The following WDR33 variants were observed in gnomAD, a reference collection of about 807,000 sequenced individuals.
WDR33 encodes the protein pre-mRNA 3' end processing protein WDR33.
In WDR33, 47 loss-of-function variants were observed where a neutral mutation model predicts 164.9. The observed-to-expected ratio is 0.29, with a 90% CI of 0.23 to 0.36. The LOEUF is 0.36. Ranked by LOEUF, WDR33 falls within the 10% of genes least tolerant of loss-of-function variation. The pLI, the probability that WDR33 is intolerant of heterozygous loss-of-function variation, is 1.00. For synonymous variants in WDR33, 505 were observed against 589.0 expected (o/e 0.86, Z 2.06); for missense variants, 1,137 against 1,754.1 (o/e 0.65, Z 6.28).
rs960137206 is a variant in WDR33 at position 127,738,913 on chromosome 2, A to C, written c.725-12136T>G. Among the ~76,000 whole-genome samples, 4 of 152,196 alleles carry C rather than the reference A, an allele frequency of 2.6e-5. No homozygotes were observed. Among genetic ancestry groups the C allele is most frequent in the African/African-American group, 9.7e-5 (4 of 41,450 alleles). ...CTTGAAAGTGCTGAAATAGGGGGAA[A>C]AGTTTTGAATCTAGCATTCAATATC... On this transcript the variant is annotated intron_variant, in intron 7 of 21. Coordinates refer to ENST00000322313, the MANE Select transcript of WDR33 (RefSeq NM_018383.5). This position sits in a 1 kb window ranked among gnomAD's most constrained non-coding sequence, Gnocchi z 4.4.
rs1034351440 is a variant in WDR33 at position 127,716,949 on chromosome 2, A to C, written c.2869+206T>G. Among the ~76,000 whole-genome samples the C allele has an allele frequency of 6.6e-6, 1 of 152,198 alleles. No individual in the cohort carries two copies. Among genetic ancestry groups the C allele is most frequent in the African/African-American group, 2.4e-5 (1 of 41,456 alleles). The stretch of plus-strand genomic sequence containing the variant: ...TGCTGGAGCCTGTGCGGGTGCCTTC[A>C]TTGTCAGCCTCTGGGGTGAGGGGCT... On this transcript the variant is annotated intron_variant, in intron 17 of 21. Coordinates refer to ENST00000322313, the MANE Select transcript of WDR33 (RefSeq NM_018383.5). This position sits in a 1 kb window ranked among gnomAD's most constrained non-coding sequence, Gnocchi z 4.5.
At chr2:127,711,138 A>G (rs973894273) in intron 18 of WDR33, among the ~76,000 whole-genome samples, 1 of 152,186 alleles carries the variant, frequency 6.6e-6, no homozygotes, top group African/African-American at 2.4e-5. Context: ...AAATCAAGAC[A>G]GGATGGCCGG....
chr2:127,788,299 A>AC (rs1347102922), intron 1 of WDR33, among the ~76,000 whole-genome samples: 5 of 87,818 alleles, frequency 5.7e-5, no homozygotes, highest in African/African-American at 9.2e-5. Flanking sequence ...CGGGGGGCTG[A>AC]CCCCCCCACC....
intron 1 of WDR33, among the ~76,000 whole-genome samples, chr2:127,783,298 C>G (rs1688437568): frequency 6.6e-6 from 1 of 152,184 alleles, no homozygotes; most frequent in Non-Finnish European, 1.5e-5. Context: ...ATATGAAGCA[C>G]ATGACCACAA....
intron 1 of WDR33, among the ~76,000 whole-genome samples, chr2:127,783,290 A>G (rs1425282644): frequency 2.0e-5 from 3 of 152,234 alleles, no homozygotes; most frequent in Non-Finnish European, 4.4e-5. Context: ...ACTTTAACAT[A>G]TGAAGCACAT....
chr2:127,726,234 A>T lies in WDR33; in HGVS notation c.851+417T>A, dbSNP rs1331690661. Reference sequence around the variant, plus strand: ...CGTAAGTAAGCCCATCAGACAAAAAATGAGAAGTGGTTCAAAACCAGAAGA... The same window carrying T: ...CGTAAGTAAGCCCATCAGACAAAAATTGAGAAGTGGTTCAAAACCAGAAGA... On this transcript the variant is annotated intron_variant, in intron 8 of 21. Transcript: ENST00000322313. This position sits in a 1 kb window ranked among gnomAD's most constrained non-coding sequence, Gnocchi z 4.8. Among the ~76,000 whole-genome samples, 1 of 152,240 alleles carries T rather than the reference A, an allele frequency of 6.6e-6. No individual in the cohort carries two copies. The highest frequency in any genetic ancestry group is 1.5e-5 in the Non-Finnish European group (1 of 68,040).
At chr2:127,805,431 T>G (rs1249832891) in intron 1 of WDR33, among the ~76,000 whole-genome samples, 2 of 152,070 alleles carry the variant, frequency 1.3e-5, no homozygotes, top group Non-Finnish European at 2.9e-5. Flanking sequence ...TAGTCAAACC[T>G]CTCTAGATCT....
chr2:127,713,705 G>A lies in WDR33; in HGVS notation c.3186C>T (p.Ser1062=), dbSNP rs139468404. 7.1e-5 allele frequency: 115 copies of A among 1,614,160 alleles called. No homozygotes were observed. The highest frequency in any genetic ancestry group is 4.8e-4 in the African/African-American group (36 of 75,070). Residue 1062 remains serine (S), a synonymous_variant, in exon 18 of 22, where the codon AGC becomes AGT. Coordinates refer to ENST00000322313, the MANE Select transcript of WDR33 (RefSeq NM_018383.5). The surrounding 1 kb of genome is among the most constrained non-coding windows in gnomAD (Gnocchi z 6.2). ...PPFPPDHREF[S]EGDGRGAARG... is the part of the protein sequence containing the mutation. ...GGGCTGCACCCCGGCCATCCCCCTCGCTGAATTCCCTGTGATCAGGGGGAA... is the reference window on the plus strand; with the variant it reads ...GGGCTGCACCCCGGCCATCCCCCTCACTGAATTCCCTGTGATCAGGGGGAA...
At position 127,795,882 on chromosome 2, in the gene WDR33, G is replaced by A. The variant is rs991127423; in HGVS notation, c.-24+15130C>T. Among the ~76,000 whole-genome samples the A allele has an allele frequency of 5.9e-5, 9 of 151,808 alleles. No individual in the cohort carries two copies. In the South Asian group the frequency reaches 6.2e-4, roughly 11 times the overall value. ...AACCTCCAGAAGTTAATGCAAGAAGGAGAAAATGGGGAGGGGAGAGCTATT... is the reference window on the plus strand; with the variant it reads ...AACCTCCAGAAGTTAATGCAAGAAGAAGAAAATGGGGAGGGGAGAGCTATT... On this transcript the variant is annotated intron_variant, in intron 1 of 21. Coordinates refer to ENST00000322313, the MANE Select transcript of WDR33 (RefSeq NM_018383.5).
At chr2:127,742,764 G>A (rs1687054842) in intron 7 of WDR33, among the ~76,000 whole-genome samples, 1 of 147,000 alleles carries the variant, frequency 6.8e-6, no homozygotes, top group Non-Finnish European at 1.5e-5. Context: ...AATCATCAAA[G>A]AAAGAAAAAT....
rs1686533143 is a variant in WDR33 at position 127,725,072 on chromosome 2, T to C, written c.995A>G (p.Lys332Arg). The C allele has an allele frequency of 6.2e-7, 1 of 1,613,550 alleles. No individual in the cohort carries two copies. Among genetic ancestry groups the C allele is most frequent in the African/African-American group, 1.3e-5 (1 of 74,860 alleles). Residue 332 changes from lysine (K) to arginine (R), a missense_variant, in exon 9 of 22, where the codon AAA becomes AGA. Transcript: ENST00000322313. ...TCACAGCCACTGACCTGTGGCTTCTTTCTTATGACCTCGGAAGACTTGAAG... is the reference window on the plus strand; with the variant it reads ...TCACAGCCACTGACCTGTGGCTTCTCTCTTATGACCTCGGAAGACTTGAAG... ...EELQVFRGHK[K>R]EATAVAWHPV...
At chr2:127,745,732 C>G (rs1442915487) in intron 7 of WDR33, among the ~76,000 whole-genome samples, 1 of 152,030 alleles carries the variant, frequency 6.6e-6, no homozygotes, top group African/African-American at 2.4e-5. Context: ...CCAAAAAGTA[C>G]AAGTGGAAAG....
Position 127,765,170 on chromosome 2 carries a change from T to C in WDR33, c.474+4A>G. The C allele has an allele frequency of 1.2e-6, 2 of 1,611,584 alleles. No individual in the cohort carries two copies. Among genetic ancestry groups the C allele is most frequent in the East Asian group, 2.2e-5 (1 of 44,866 alleles). ...TGATGATACCATCTGGTGATTATCA[T>C]TACCTGTAATATTGTTTCAAAATTG... is the stretch of plus-strand genomic sequence containing the variant. On this transcript the variant is annotated splice_donor_region_variant and intron_variant, in intron 5 of 21. Transcript: ENST00000322313.
In WDR33 at chr2:127,701,472, C is replaced by T; in HGVS notation, c.*4851G>A. On this transcript the variant is annotated 3_prime_UTR_variant, in exon 22 of 22. Transcript: ENST00000322313. ...TTGCCGCCCGAAGACCGAACCGCTT[C>T]AGCGGAGGGCCGGAAGTGAGCCGCA... The T allele has an allele frequency of 7.2e-6, 9 of 1,244,282 alleles. No individual in the cohort carries two copies. The highest frequency in any genetic ancestry group is 8.1e-6 in the Non-Finnish European group (8 of 990,604). The allele number at this position is 1,244,282 out of a possible 1,614,324, so 77.1% of individuals were successfully genotyped here.
At chr2:127,782,993 A>G (rs1379014370) in intron 1 of WDR33, among the ~76,000 whole-genome samples, 1 of 152,184 alleles carries the variant, frequency 6.6e-6, no homozygotes, top group Admixed American at 6.6e-5. Flanking sequence ...TGGGCAACAG[A>G]GTGAGACTCT....
chr2:127,717,102 T>C lies in WDR33; in HGVS notation c.2869+53A>G. The stretch of plus-strand genomic sequence containing the variant: ...GCCAACAAAATTATTCACTGTAAAA[T>C]GTGCACAAAGGTGGTAGAATATAAT... On this transcript the variant is annotated intron_variant, in intron 17 of 21. Transcript: ENST00000322313. This position sits in a 1 kb window ranked among gnomAD's most constrained non-coding sequence, Gnocchi z 5.6. The C allele has an allele frequency of 6.6e-7, 1 of 1,526,464 alleles. No individual in the cohort carries two copies. The highest frequency in any genetic ancestry group is 2.4e-5 in the East Asian group (1 of 41,098). 94.6% of individuals were successfully genotyped at this position (1,526,464 alleles called of 1,614,324 possible). A position where few individuals can be genotyped will look rare whatever the true frequency, so the allele number is the denominator to read the frequency against.
chr2:127,759,482 G>A (rs1558940887), intron 7 of WDR33, among the ~76,000 whole-genome samples: 1 of 152,132 alleles, frequency 6.6e-6, no homozygotes. Context: ...CGTGAGGTCA[G>A]CAGCTCTAGA....
At chr2:127,777,501 T>C (rs1688225513) in intron 1 of WDR33, among the ~76,000 whole-genome samples, 1 of 152,234 alleles carries the variant, frequency 6.6e-6, no homozygotes, top group African/African-American at 2.4e-5. Flanking sequence ...ATGAGTTCCA[T>C]GCCTCAAAAA....
In WDR33 at chr2:127,719,334, T is replaced by A; in HGVS notation, c.2691A>T (p.Gln897His). 1.3e-6 allele frequency: 2 copies of A among 1,504,608 alleles called. No individual in the cohort carries two copies. Among genetic ancestry groups the A allele is most frequent in the Non-Finnish European group, 1.8e-6 (2 of 1,127,488 alleles). 93.2% of individuals were successfully genotyped at this position (1,504,608 alleles called of 1,614,324 possible). A position where few individuals can be genotyped will look rare whatever the true frequency, so the allele number is the denominator to read the frequency against. Reference protein sequence around the residue: ...QNPARGPHPSQGPIPFQQQKT... With the variant: ...QNPARGPHPSHGPIPFQQQKT... ...TCTGTTGCTGGAATGGTATTGGCCCTTGAGATGGATGTGGCCCTCTTGCTG... is the reference window on the plus strand; with the variant it reads ...TCTGTTGCTGGAATGGTATTGGCCCATGAGATGGATGTGGCCCTCTTGCTG... Residue 897 changes from glutamine (Q) to histidine (H), a missense_variant, in exon 16 of 22, where the codon CAA becomes CAT. Around this residue, in one of 9 missense-constraint regions of WDR33, gnomAD observed 867 missense variants for 1,073.0 expected, o/e 0.81. Transcript: ENST00000322313. The surrounding 1 kb of genome is among the most constrained non-coding windows in gnomAD (Gnocchi z 6.5).
Sources: allele counts gnomAD v4.1 joint callset (sites outside exome capture counted in the v4.1 genomes callset), GRCh38; gene constraint gnomAD v4.1.1; regional missense constraint gnomAD v4.1.1; non-coding constraint Gnocchi (gnomAD v3.1); transcripts MANE v1.5; gene names NCBI Gene and HGNC (gene_info 2026-07-23, HGNC 2026-07-21).